Variants in ATP8A1 observed in about 807,000 individuals in gnomAD.
ATP8A1 encodes ATPase phospholipid transporting 8A1.
Under a neutral mutation model 177.7 loss-of-function variants are expected in ATP8A1, and 90 were observed. The ratio of observed to expected loss-of-function variants is 0.51; its 90% confidence interval spans 0.43 to 0.60. The LOEUF (loss-of-function observed/expected upper bound fraction) is 0.60. Among genes scored for constraint, ATP8A1 ranks in the 20% least tolerant of loss-of-function variants. The pLI is 0.00. For synonymous variants in ATP8A1, 493 were observed against 485.9 expected, an observed-to-expected ratio of 1.01 and a Z score of -0.19; for missense variants, 1,072 against 1,392.8, an observed-to-expected ratio of 0.77 and a Z score of 3.67.
chr4:42,608,757 G>A (rs903439380), intron 5 of ATP8A1, among the ~76,000 whole-genome samples: 24 of 152,204 alleles, frequency 1.6e-4, no homozygotes, highest in African/African-American at 5.8e-4. Context: ...AATGTAGTGT[G>A]CTCCAATTCC....
At chr4:42,453,280 T>C (rs1203796349) in intron 29 of ATP8A1, among the ~76,000 whole-genome samples, 1 of 152,214 alleles carries the variant, frequency 6.6e-6, no homozygotes, top group East Asian at 1.9e-4. Context: ...AACTGCTGTG[T>C]ATACAACTGT....
intron 3 of ATP8A1, chr4:42,625,148 T>A (rs1034257585): frequency 2.0e-5 from 3 of 152,724 alleles, no homozygotes; most frequent in Non-Finnish European, 2.9e-5. Context: ...TTCCTTGTGT[T>A]TTGTGGTGTT....
At chr4:42,554,609 C>G (rs567033258) in intron 16 of ATP8A1, among the ~76,000 whole-genome samples, 31 of 152,174 alleles carry the variant, frequency 2.0e-4, no homozygotes, top group Non-Finnish European at 2.4e-4. Context: ...TTGAGGGTAA[C>G]AATCATGAGT....
At position 42,552,489 on chromosome 4, in the gene ATP8A1, A is replaced by G; in HGVS notation, c.1519+16T>C. Reference sequence around the variant, plus strand: ...ATTTTCCACAAAACAATACTTTACAATTGCTTCATTTGTACCTGGAGATGC... The same window carrying G: ...ATTTTCCACAAAACAATACTTTACAGTTGCTTCATTTGTACCTGGAGATGC... On this transcript the variant is annotated intron_variant, in intron 17 of 36. Coordinates refer to ENST00000381668, the MANE Select transcript of ATP8A1 (RefSeq NM_006095.2). 1 of 1,583,630 alleles carries G rather than the reference A, an allele frequency of 6.3e-7. No individual in the cohort carries two copies. The highest frequency in any genetic ancestry group is 8.7e-7 in the Non-Finnish European group (1 of 1,154,894).
chr4:42,536,980 A>C (rs1158836262), intron 20 of ATP8A1, among the ~76,000 whole-genome samples: 1 of 152,018 alleles, frequency 6.6e-6, no homozygotes, highest in African/African-American at 2.4e-5. Flanking sequence ...AAAAAATACA[A>C]AATTAGCCAG....
Position 42,626,703 on chromosome 4 carries a change from T to C in ATP8A1, c.164+292A>G, listed in dbSNP as rs767636611. On this transcript the variant is annotated intron_variant, in intron 2 of 36. Transcript: ENST00000381668. ...AACCAAAACCAGTAACGCATCGCTC[T>C]ATTAACAGGTTTAGGACAGAGGCAT... The C allele has an allele frequency of 7.9e-4, 285 of 358,766 alleles. 1 individual carries two copies. The highest frequency in any genetic ancestry group is 1.3e-3 in the Admixed American group (30 of 22,240). The allele number at this position is 358,766 out of a possible 1,614,324, so 22.2% of individuals were successfully genotyped here. A position where few individuals can be genotyped will look rare whatever the true frequency, so the allele number is the denominator to read the frequency against.
intron 33 of ATP8A1, among the ~76,000 whole-genome samples, chr4:42,430,460 G>A (rs1336694930): frequency 2.6e-5 from 4 of 150,946 alleles, no homozygotes; most frequent in East Asian, 1.9e-4. Flanking sequence ...CCCTGTCTCC[G>A]AAGGCCAGCT....
chr4:42,552,224 T>G (rs893121236), intron 17 of ATP8A1, among the ~76,000 whole-genome samples: 1 of 152,168 alleles, frequency 6.6e-6, no homozygotes, highest in South Asian at 2.1e-4. Context: ...AAGCGAAAAA[T>G]TATTATGTGT....
intron 14 of ATP8A1, among the ~76,000 whole-genome samples, chr4:42,571,501 CTG>C (rs1731904776): frequency 1.3e-5 from 2 of 148,496 alleles, no homozygotes; most frequent in South Asian, 4.3e-4. Flanking sequence ...GCACTTAGGA[CTG>C]TATCCCAGAA....
intron 14 of ATP8A1, among the ~76,000 whole-genome samples, chr4:42,574,066 C>T (rs1280437875): frequency 6.6e-6 from 1 of 152,098 alleles, no homozygotes; most frequent in African/African-American, 2.4e-5. Flanking sequence ...AATGGGTGCT[C>T]AACAAGCAAT....
chr4:42,514,818 A>G (rs1382260516), intron 22 of ATP8A1, among the ~76,000 whole-genome samples: 1 of 152,226 alleles, frequency 6.6e-6, no homozygotes, highest in African/African-American at 2.4e-5. Flanking sequence ...AACTTACCTA[A>G]GAATCAACTT....
chr4:42,596,680 AAAAAG>A (rs1489875426), intron 6 of ATP8A1, among the ~76,000 whole-genome samples: 3 of 151,748 alleles, frequency 2.0e-5, no homozygotes, highest in Admixed American at 6.6e-5. Context: ...AAAAAAAAAA[AAAAAG>A]AAAAGAAAAA....
chr4:42,588,196 A>G (rs1185168742), intron 8 of ATP8A1, 64 bp downstream of exon 8: 1 of 1,362,552 alleles, frequency 7.3e-7, no homozygotes, highest in African/African-American at 1.4e-5. Context: ...ACACAAAGAA[A>G]GAAGCTCTTA....
chr4:42,428,064 T>C (rs906226962), intron 33 of ATP8A1, among the ~76,000 whole-genome samples: 8 of 152,228 alleles, frequency 5.3e-5, no homozygotes, highest in African/African-American at 1.7e-4. Context: ...GAAGATGCTG[T>C]TCACAGATTG....
intron 20 of ATP8A1, among the ~76,000 whole-genome samples, chr4:42,542,841 A>G (rs1277390590): frequency 1.3e-5 from 2 of 152,100 alleles, no homozygotes; most frequent in African/African-American, 4.8e-5. Flanking sequence ...TTATCACTGA[A>G]TATTACTTTT....
intron 6 of ATP8A1, among the ~76,000 whole-genome samples, chr4:42,597,886 A>G (rs563733381): frequency 6.6e-6 from 1 of 152,264 alleles, no homozygotes; most frequent in East Asian, 1.9e-4. Flanking sequence ...TGAAACTTCA[A>G]TATGGTTTAA....
chr4:42,653,082 CCTA>C (rs1484604601), intron 1 of ATP8A1, among the ~76,000 whole-genome samples: 1 of 151,996 alleles, frequency 6.6e-6, no homozygotes, highest in Admixed American at 6.6e-5. Flanking sequence ...GACCTCATTT[CCTA>C]CTATTCTTCC....
At chr4:42,636,336 G>C (rs1739389683) in intron 1 of ATP8A1, among the ~76,000 whole-genome samples, 1 of 152,070 alleles carries the variant, frequency 6.6e-6, no homozygotes, top group African/African-American at 2.4e-5. Flanking sequence ...GTTCTGCATT[G>C]TTAGAGCAGA....
chr4:42,598,020 A>G (rs904003262), intron 6 of ATP8A1, among the ~76,000 whole-genome samples: 1 of 152,066 alleles, frequency 6.6e-6, no homozygotes, highest in African/African-American at 2.4e-5. Context: ...TTTGGTGCAA[A>G]TATTTCACAT....
Sources: gnomAD v4.1 joint callset for allele counts (sites outside exome capture counted in the v4.1 genomes callset) on GRCh38, gnomAD v4.1.1 for gene constraint, MANE v1.5 for transcripts, NCBI Gene and HGNC (gene_info 2026-07-23, HGNC 2026-07-21) for gene names.